PRR16: variants seen among roughly 807,000 people sequenced by gnomAD.
PRR16 encodes the protein protein Largen.
In PRR16, 6 loss-of-function variants were observed where a neutral mutation model predicts 18.2. The ratio of observed to expected loss-of-function variants is 0.33; its 90% CI spans 0.18 to 0.65. PRR16 has a LOEUF of 0.65. Ranked by LOEUF, PRR16 falls within the 30% of genes least tolerant of loss-of-function variation. PRR16 has a pLI of 0.74. For synonymous variants in PRR16, 151 were observed against 147.8 expected (o/e 1.02, Z -0.16); for missense variants, 412 against 376.6 (o/e 1.09, Z -0.78).
intron 1 of PRR16, among the ~76,000 whole-genome samples, chr5:120,489,226 T>G (rs1749930691): frequency 6.6e-6 from 1 of 152,180 alleles, no homozygotes; most frequent in Admixed American, 6.5e-5. Context: ...TCTGTCTTGT[T>G]GATCTGTCTA....
intron 1 of PRR16, among the ~76,000 whole-genome samples, chr5:120,638,519 T>C (rs1015885732): frequency 6.6e-6 from 1 of 152,068 alleles, no homozygotes; most frequent in African/African-American, 2.4e-5. Flanking sequence ...CTTATTTAAG[T>C]CTAACAAGGT....
the PRR16 span, among the ~76,000 whole-genome samples, chr5:120,737,976 T>A: frequency 1.6e-4 from 24 of 152,166 alleles, 1 homozygote; most frequent in South Asian, 4.8e-3. Flanking sequence ...ATTTGTTCTT[T>A]AAAAAGAAAG....
At chr5:120,628,045 A>G (rs368856772) in intron 1 of PRR16, among the ~76,000 whole-genome samples, 1 of 152,076 alleles carries the variant, frequency 6.6e-6, no homozygotes, top group East Asian at 1.9e-4. Context: ...AAAAACATGT[A>G]TCCTATAATC....
chr5:120,756,583 C>T, the PRR16 span, among the ~76,000 whole-genome samples: 4 of 151,634 alleles, frequency 2.6e-5, no homozygotes, highest in South Asian at 8.3e-4. Flanking sequence ...TATTGGTTGC[C>T]TGTATGTCTT....
At chr5:120,653,751 T>C (rs1755871441) in intron 1 of PRR16, among the ~76,000 whole-genome samples, 1 of 152,038 alleles carries the variant, frequency 6.6e-6, no homozygotes, top group African/African-American at 2.4e-5. Context: ...GATGCATTTC[T>C]CCAGTCCCTG....
At chr5:120,767,537 T>TGGAG in the PRR16 span, among the ~76,000 whole-genome samples, 2 of 151,906 alleles carry the variant, frequency 1.3e-5, no homozygotes, top group Non-Finnish European at 2.9e-5. Context: ...TCACTCCAAT[T>TGGAG]TGAAGAGTCA....
chr5:120,760,147 A>T, the PRR16 span, among the ~76,000 whole-genome samples: 12 of 152,172 alleles, frequency 7.9e-5, no homozygotes, highest in Non-Finnish European at 1.3e-4. Context: ...ATAATTAAGC[A>T]AATGAATGGT....
intron 1 of PRR16, among the ~76,000 whole-genome samples, chr5:120,680,638 T>A (rs1756942229): frequency 6.6e-6 from 1 of 152,188 alleles, no homozygotes; most frequent in Non-Finnish European, 1.5e-5. Flanking sequence ...TTGTCTGAAC[T>A]GACTGAATTT....
At position 120,567,484 on chromosome 5, in the gene PRR16, T is replaced by C. The variant is rs541378724; in HGVS notation, c.159+102839T>C. Among the ~76,000 whole-genome samples the C allele has an allele frequency of 3.3e-5, 5 of 152,284 alleles. No individual in the cohort carries two copies. The East Asian group carries it at 9.6e-4, about 29-fold the overall frequency. On this transcript the variant is annotated intron_variant, in intron 1 of 1. Coordinates refer to ENST00000407149, the MANE Select transcript of PRR16 (RefSeq NM_001300783.2). ...ATTATCATTATTACAACTTCCTGTC[T>C]TCTGAGGGTCAGCCCTGTGCAGCAC...
At chr5:120,673,003 G>T (rs955432868) in intron 1 of PRR16, among the ~76,000 whole-genome samples, 8 of 152,170 alleles carry the variant, frequency 5.3e-5, no homozygotes, top group African/African-American at 1.9e-4. Context: ...CTCAGTAGAG[G>T]CATGAGTCTG....
intron 1 of PRR16, among the ~76,000 whole-genome samples, chr5:120,607,413 C>T (rs572205517): frequency 1.3e-4 from 20 of 152,176 alleles, no homozygotes; most frequent in African/African-American, 4.6e-4. Flanking sequence ...TTATGTTTTT[C>T]TCTTTTGGAG....
intron 1 of PRR16, among the ~76,000 whole-genome samples, chr5:120,668,413 G>A (rs1181516924): frequency 6.7e-6 from 1 of 148,652 alleles, no homozygotes; most frequent in Non-Finnish European, 1.5e-5. Flanking sequence ...TATCCAATTT[G>A]CCATTCTGTG....
At chr5:120,748,117 G>A in the PRR16 span, among the ~76,000 whole-genome samples, 1 of 152,036 alleles carries the variant, frequency 6.6e-6, no homozygotes, top group African/African-American at 2.4e-5. Context: ...TAAATTTCCA[G>A]GATAGATGGG....
At position 120,489,026 on chromosome 5, in the gene PRR16, C is replaced by G. The variant is rs185980259; in HGVS notation, c.159+24381C>G. Among the ~76,000 whole-genome samples, 1,040 of 152,084 alleles carry G rather than the reference C, an allele frequency of 6.8e-3. 17 individuals carry two copies. Among genetic ancestry groups the G allele is most frequent in the African/African-American group, 0.024 (998 of 41,506 alleles). On this transcript the variant is annotated intron_variant, in intron 1 of 1. Coordinates refer to ENST00000407149, the MANE Select transcript of PRR16 (RefSeq NM_001300783.2). Reference sequence around the variant, plus strand: ...ACTGTGGTCTGAGAGACAGTTTGTTCTAATTTCTGTTCTTTTACATTTGCT... The same window carrying G: ...ACTGTGGTCTGAGAGACAGTTTGTTGTAATTTCTGTTCTTTTACATTTGCT...
At chr5:120,784,184 T>G in the PRR16 span, among the ~76,000 whole-genome samples, 2 of 152,200 alleles carry the variant, frequency 1.3e-5, no homozygotes, top group African/African-American at 4.8e-5. Flanking sequence ...TGCAGATATC[T>G]CTTAATATAC....
chr5:120,549,564 C>A (rs557299111), intron 1 of PRR16, among the ~76,000 whole-genome samples: 1 of 152,038 alleles, frequency 6.6e-6, no homozygotes, highest in Admixed American at 6.6e-5. Context: ...AGAAACATTT[C>A]CACTATTTTT....
chr5:120,648,315 T>C (rs1755663458), intron 1 of PRR16, among the ~76,000 whole-genome samples: 1 of 152,140 alleles, frequency 6.6e-6, no homozygotes, highest in Non-Finnish European at 1.5e-5. Flanking sequence ...CATTTCACTG[T>C]TCATAACTCT....
At chr5:120,707,962 C>T in the PRR16 span, among the ~76,000 whole-genome samples, 1 of 152,064 alleles carries the variant, frequency 6.6e-6, no homozygotes, top group Non-Finnish European at 1.5e-5. Context: ...GTCTTCATCT[C>T]AATTAGTTAC....
chr5:120,686,266 G>A lies in PRR16; in HGVS notation c.472G>A (p.Gly158Ser), dbSNP rs752947378. ...KTNGTLLRNG[G>S]LPGGPNKIPN... ...CAATGGCACCCTTCTACGAAATGGA[G>A]GCTTACCAGGTGGACCTAACAAAAT... Residue 158 changes from glycine to serine, a missense_variant, in exon 2 of 2, where the codon GGC becomes AGC. Physicochemically the swap from Gly to Ser is moderately conservative, Grantham distance 56. Transcript: ENST00000407149. The A allele has an allele frequency of 2.5e-6, 4 of 1,614,078 alleles. No homozygotes were observed. In the South Asian group the frequency reaches 3.3e-5, roughly 13 times the overall value.
Sources: gnomAD v4.1 joint callset for allele counts (sites outside exome capture counted in the v4.1 genomes callset) on GRCh38, gnomAD v4.1.1 for gene constraint, MANE v1.5 for transcripts, NCBI Gene and HGNC (gene_info 2026-07-23, HGNC 2026-07-21) for gene names.